TENM3: variants seen among roughly 807,000 people sequenced by gnomAD.
TENM3 encodes the protein teneurin transmembrane protein 3.
In TENM3, 63 loss-of-function variants were observed where a neutral mutation model predicts 255.1. The ratio of observed to expected loss-of-function variants is 0.25; its 90% CI spans 0.20 to 0.30. The LOEUF is 0.30. Among genes scored for constraint, TENM3 ranks in the 10% least tolerant of loss-of-function variants. The pLI is 1.00. For missense variants in TENM3, 2,929 were observed against 3,461.1 expected, an observed-to-expected ratio of 0.85 and a Z score of 3.86; for synonymous variants, 1,306 against 1,322.3, an observed-to-expected ratio of 0.99 and a Z score of 0.27.
chr4:181,625,914 C>G, the TENM3 span, among the ~76,000 whole-genome samples: 1 of 152,092 alleles, frequency 6.6e-6, no homozygotes, highest in African/African-American at 2.4e-5. Flanking sequence ...CCAATATAAG[C>G]AGTGGCCAAT....
At chr4:182,503,895 C>T (rs1188412790) in intron 3 of TENM3, among the ~76,000 whole-genome samples, 1 of 152,056 alleles carries the variant, frequency 6.6e-6, no homozygotes, top group Non-Finnish European at 1.5e-5. Context: ...TCTGTGATGC[C>T]CTCCCTAATT....
chr4:182,096,034 G>A, the TENM3 span, among the ~76,000 whole-genome samples: 16 of 152,018 alleles, frequency 1.1e-4, no homozygotes, highest in African/African-American at 3.9e-4. Flanking sequence ...GGAGGCTGAG[G>A]TGGGAGGATT....
At chr4:182,088,838 GA>G in the TENM3 span, among the ~76,000 whole-genome samples, 118 of 96,916 alleles carry the variant, frequency 1.2e-3, no homozygotes, top group East Asian at 1.8e-3. Flanking sequence ...CATCTCTAAA[GA>G]AAAAAAAAAA....
chr4:181,599,321 C>G, the TENM3 span, among the ~76,000 whole-genome samples: 1 of 152,158 alleles, frequency 6.6e-6, no homozygotes, highest in African/African-American at 2.4e-5. Flanking sequence ...GTGAATCACA[C>G]TGTAATTATA....
chr4:182,191,679 A>G (rs1458240427), intron 1 of TENM3, among the ~76,000 whole-genome samples: 2 of 152,142 alleles, frequency 1.3e-5, no homozygotes, highest in African/African-American at 4.8e-5. Flanking sequence ...TGAAATCACC[A>G]TGGACTCCCA....
chr4:182,184,853 G>A (rs1474897457), intron 1 of TENM3, among the ~76,000 whole-genome samples: 3 of 152,094 alleles, frequency 2.0e-5, no homozygotes, highest in South Asian at 2.1e-4. Flanking sequence ...TTGGGAGGCC[G>A]AGGTGTATCA....
intron 18 of TENM3, among the ~76,000 whole-genome samples, chr4:182,739,040 A>AT (rs34763072): frequency 9.0e-4 from 135 of 149,768 alleles, no homozygotes; most frequent in Non-Finnish European, 1.4e-3. Flanking sequence ...GAGTATCTAG[A>AT]TTTTTTTTTT....
chr4:182,458,092 T>C (rs1352855890), intron 3 of TENM3, among the ~76,000 whole-genome samples: 1 of 152,206 alleles, frequency 6.6e-6, no homozygotes, highest in Non-Finnish European at 1.5e-5. Context: ...TGAGGCAATA[T>C]ATGTTTTGTA....
intron 13 of TENM3, among the ~76,000 whole-genome samples, chr4:182,719,079 T>A (rs1759439969): frequency 6.6e-6 from 1 of 152,024 alleles, no homozygotes; most frequent in South Asian, 2.1e-4. Context: ...AGCTCCCCCG[T>A]GGGCACCTGA....
chr4:182,178,554 T>G (rs1399586086), intron 1 of TENM3, among the ~76,000 whole-genome samples: 1 of 152,238 alleles, frequency 6.6e-6, no homozygotes, highest in African/African-American at 2.4e-5. Flanking sequence ...TTCTCTTGTT[T>G]TAGGTCGTGT....
At chr4:181,480,033 A>G in the TENM3 span, among the ~76,000 whole-genome samples, 6 of 152,152 alleles carry the variant, frequency 3.9e-5, no homozygotes, top group South Asian at 2.1e-4. Flanking sequence ...CAAAGTACAA[A>G]TCATCATACA....
the TENM3 span, among the ~76,000 whole-genome samples, chr4:181,620,677 A>G: frequency 3.1e-4 from 47 of 151,652 alleles, no homozygotes; most frequent in African/African-American, 1.1e-3. Flanking sequence ...AAAAAAAAAA[A>G]GAAAAAGAGG....
chr4:182,602,482 G>T lies in TENM3; in HGVS notation c.749+1321G>T, dbSNP rs183192664. ...CTGCCTTGAGGATGAGCTAGCAGGA[G>T]GTCCCCACAGTTAGTTGTCAACAAT... is the stretch of plus-strand genomic sequence containing the variant. On this transcript the variant is annotated intron_variant, in intron 4 of 27. Coordinates refer to ENST00000511685, the MANE Select transcript of TENM3 (RefSeq NM_001080477.4). Among the ~76,000 whole-genome samples the T allele has an allele frequency of 4.6e-5, 7 of 152,272 alleles. No individual in the cohort carries two copies. The East Asian group carries it at 1.4e-3, about 29-fold the overall frequency.
chr4:181,500,928 G>A, the TENM3 span, among the ~76,000 whole-genome samples: 1 of 152,116 alleles, frequency 6.6e-6, no homozygotes, highest in Non-Finnish European at 1.5e-5. Context: ...TGCAAGGCTA[G>A]CCTGACAACA....
chr4:181,659,960 T>C, the TENM3 span, among the ~76,000 whole-genome samples: 1 of 152,162 alleles, frequency 6.6e-6, no homozygotes, highest in Non-Finnish European at 1.5e-5. Flanking sequence ...CCCATTAGCA[T>C]TAATTTAATC....
chr4:181,875,455 C>T, the TENM3 span, among the ~76,000 whole-genome samples: 126,246 of 150,812 alleles, frequency 0.84, 53,386 homozygotes, highest in Middle Eastern at 0.9. Flanking sequence ...AGTCTTCATA[C>T]AACCTACCTC....
At chr4:182,738,632 G>A in intron 18 of TENM3, 88 bp downstream of exon 18, 2 of 1,138,236 alleles carry the variant, frequency 1.8e-6, no homozygotes, top group Non-Finnish European at 2.4e-6. Flanking sequence ...TGAGATTGTA[G>A]CAACATTTTA....
chr4:182,698,433 A>C (rs1251686519), intron 12 of TENM3, among the ~76,000 whole-genome samples: 1 of 152,136 alleles, frequency 6.6e-6, no homozygotes, highest in Admixed American at 6.5e-5. Context: ...CGTCTCCAAA[A>C]GTCCCATTAG....
chr4:182,578,374 T>G lies in TENM3; in HGVS notation c.512-22550T>G, dbSNP rs185292229. On this transcript the variant is annotated intron_variant, in intron 3 of 27. Coordinates refer to ENST00000511685, the MANE Select transcript of TENM3 (RefSeq NM_001080477.4). Reference sequence around the variant, plus strand: ...CCCTTTCATTTACTAATTTATTATGTTTCCTGCATATTGTTCTCCCCTTCT... The same window carrying G: ...CCCTTTCATTTACTAATTTATTATGGTTCCTGCATATTGTTCTCCCCTTCT... Among the ~76,000 whole-genome samples, 49 of 152,298 alleles carry G rather than the reference T, an allele frequency of 3.2e-4. No individual in the cohort carries two copies. In the East Asian group the frequency reaches 6.0e-3, roughly 19 times the overall value.
Sources: allele counts gnomAD v4.1 joint callset (sites outside exome capture counted in the v4.1 genomes callset), GRCh38; gene constraint gnomAD v4.1.1; transcripts MANE v1.5; gene names NCBI Gene and HGNC (gene_info 2026-07-23, HGNC 2026-07-21).